The following MAP2K5 variants were observed in gnomAD, a reference collection of about 807,000 sequenced individuals.
MAP2K5 encodes the protein mitogen-activated protein kinase kinase 5.
MAP2K5 carries 49 observed loss-of-function variants against 83.1 expected under a neutral mutation model. That is an observed-to-expected ratio of 0.59 (90% confidence interval 0.47 to 0.75). The LOEUF is 0.75. MAP2K5 is among the 30% of genes least tolerant of loss of function. The probability of loss-of-function intolerance (pLI) is 0.00; values close to 1 mark genes in which losing one functional copy is unlikely to be tolerated. For synonymous variants in MAP2K5, 202 were observed against 191.8 expected (o/e 1.05, Z -0.44); for missense variants, 457 against 557.5 (o/e 0.82, Z 1.82).
chr15:67,675,737 T>G (rs755373254), intron 13 of MAP2K5, among the ~76,000 whole-genome samples: 2 of 152,220 alleles, frequency 1.3e-5, no homozygotes, highest in Admixed American at 1.3e-4. Context: ...TGTAGTTACC[T>G]GTATTCAGAA....
intron 16 of MAP2K5, among the ~76,000 whole-genome samples, chr15:67,704,053 A>G (rs1245124446): frequency 6.6e-6 from 1 of 152,184 alleles, no homozygotes; most frequent in Non-Finnish European, 1.5e-5. Context: ...ACTTTATGTT[A>G]GTGTTCTAGA....
intron 6 of MAP2K5, among the ~76,000 whole-genome samples, chr15:67,590,443 C>T (rs2085378182): frequency 2.0e-5 from 1 of 49,454 alleles, no homozygotes; most frequent in South Asian, 8.8e-4. Flanking sequence ...CTCTCCCTCC[C>T]TCCCTCTCTC....
At position 67,587,334 on chromosome 15, in the gene MAP2K5, T is replaced by G. The variant is rs1264755097; in HGVS notation, c.431+421T>G. On this transcript the variant is annotated intron_variant, in intron 6 of 21. Coordinates refer to ENST00000178640, the MANE Select transcript of MAP2K5 (RefSeq NM_145160.3). The surrounding 1 kb of genome is among the most constrained non-coding windows in gnomAD (Gnocchi z 4.8). ...ACAGGACTTATCATGCGGGGCCTCGTAGGCCCTGTAATGTTTGAATTTTCC... is the reference window on the plus strand; with the variant it reads ...ACAGGACTTATCATGCGGGGCCTCGGAGGCCCTGTAATGTTTGAATTTTCC... Among the ~76,000 whole-genome samples, 4 of 152,154 alleles carry G rather than the reference T, an allele frequency of 2.6e-5. No homozygotes were observed. The highest frequency in any genetic ancestry group is 2.6e-4 in the Admixed American group (4 of 15,272).
intron 8 of MAP2K5, among the ~76,000 whole-genome samples, chr15:67,623,163 A>G (rs1397198634): frequency 6.6e-6 from 1 of 152,222 alleles, no homozygotes; most frequent in African/African-American, 2.4e-5. Context: ...CTTATGCCTC[A>G]TATTTTCCTG....
intron 12 of MAP2K5, 136 bp downstream of exon 12, chr15:67,658,750 GTTTT>G: frequency 1.3e-6 from 1 of 743,478 alleles, no homozygotes; most frequent in Non-Finnish European, 2.3e-6. Context: ...ATTTTCTCCT[GTTTT>G]GTTCTTCTTT....
At chr15:67,791,604 G>A (rs980267109) in intron 21 of MAP2K5, among the ~76,000 whole-genome samples, 1 of 152,172 alleles carries the variant, frequency 6.6e-6, no homozygotes, top group African/African-American at 2.4e-5. Context: ...ATCACAAAAG[G>A]CACAGGTTTG....
At position 67,563,028 on chromosome 15, in the gene MAP2K5, T is replaced by C. The variant is rs2084769459; in HGVS notation, c.185-255T>C. ...TTTGTCATACTCCAGTTATATTTAC[T>C]TTAACCTAGAGATATGTTGTGAATG... On this transcript the variant is annotated intron_variant, in intron 2 of 21. Transcript: ENST00000178640. The surrounding 1 kb of genome is among the most constrained non-coding windows in gnomAD (Gnocchi z 4.5). 6.6e-6 allele frequency among the ~76,000 whole-genome samples: 1 copy of C among 152,218 alleles called. No individual in the cohort carries two copies. Among genetic ancestry groups the C allele is most frequent in the Admixed American group, 6.5e-5 (1 of 15,280 alleles).
rs1159624610 is a variant in MAP2K5, at chr15:67,738,128, A to T, written c.1075-10103A>T. 2.0e-5 allele frequency among the ~76,000 whole-genome samples: 3 copies of T among 152,178 alleles called. No individual in the cohort carries two copies. The East Asian group carries it at 5.8e-4, about 29-fold the overall frequency. Reference sequence around the variant, plus strand: ...CAGCCTCCCAGAGTACTGGGATTACAGGCGTGAGCCACTGCACTTGGCCTA... The same window carrying T: ...CAGCCTCCCAGAGTACTGGGATTACTGGCGTGAGCCACTGCACTTGGCCTA... On this transcript the variant is annotated intron_variant, in intron 17 of 21. Transcript: ENST00000178640. The surrounding 1 kb of genome is among the most constrained non-coding windows in gnomAD (Gnocchi z 4.1).
At chr15:67,586,006 T>C in intron 5 of MAP2K5, 76 bp downstream of exon 5, 3 of 1,314,586 alleles carry the variant, frequency 2.3e-6, no homozygotes, top group Non-Finnish European at 3.3e-6. Flanking sequence ...AAATGTCAAA[T>C]AAAACTGCAC....
At chr15:67,621,986 T>C (rs2414969) in intron 8 of MAP2K5, among the ~76,000 whole-genome samples, 149,974 of 152,154 alleles carry the variant, frequency 0.99, 73,961 homozygotes, top group Middle Eastern at 1. Context: ...GAGTTCGAGA[T>C]CAGCCTGGAC....
intron 7 of MAP2K5, among the ~76,000 whole-genome samples, chr15:67,597,036 G>A (rs1465437159): frequency 6.6e-6 from 1 of 152,050 alleles, no homozygotes; most frequent in African/African-American, 2.4e-5. Flanking sequence ...GGGCATGGTG[G>A]TGGGCGCCTG....
rs146870676 is a variant in MAP2K5, at chr15:67,637,833, G to A, written c.585+6906G>A. 6.6e-6 allele frequency among the ~76,000 whole-genome samples: 1 copy of A among 152,038 alleles called. No homozygotes were observed. Among genetic ancestry groups the A allele is most frequent in the East Asian group, 1.9e-4 (1 of 5,172 alleles). On this transcript the variant is annotated intron_variant, in intron 9 of 21. Transcript: ENST00000178640. This position sits in a 1 kb window ranked among gnomAD's most constrained non-coding sequence, Gnocchi z 4.5. ...GGTCAGCAAGCTGGGCAATCATAGG[G>A]CTCATCTCATTTGTTTTCCATCTTT...
At chr15:67,694,718 A>G (rs2088202823) in intron 15 of MAP2K5, among the ~76,000 whole-genome samples, 1 of 152,098 alleles carries the variant, frequency 6.6e-6, no homozygotes, top group Non-Finnish European at 1.5e-5. Context: ...TCAGGGATCT[A>G]CAACTAGAAA....
In MAP2K5 at chr15:67,736,716, A is replaced by T. The variant is rs2089348712; in HGVS notation, c.1074+8771A>T. Among the ~76,000 whole-genome samples, 1 of 152,010 alleles carries T rather than the reference A, an allele frequency of 6.6e-6. No homozygotes were observed. The highest frequency in any genetic ancestry group is 1.5e-5 in the Non-Finnish European group (1 of 68,032). Reference sequence around the variant, plus strand: ...CATGATTCCCTTACAATTTTTAAATAATCAATTTAGCCCCCAGAAATAGAA... The same window carrying T: ...CATGATTCCCTTACAATTTTTAAATTATCAATTTAGCCCCCAGAAATAGAA... On this transcript the variant is annotated intron_variant, in intron 17 of 21. Transcript: ENST00000178640. This position sits in a 1 kb window ranked among gnomAD's most constrained non-coding sequence, Gnocchi z 4.3.
intron 19 of MAP2K5, among the ~76,000 whole-genome samples, chr15:67,754,461 C>A (rs1282188907): frequency 6.6e-6 from 1 of 152,126 alleles, no homozygotes; most frequent in African/African-American, 2.4e-5. Flanking sequence ...TTGAGCTCCT[C>A]CTTGGGCTGT....
chr15:67,584,709 C>T (rs1212627127), intron 4 of MAP2K5, among the ~76,000 whole-genome samples: 4 of 127,626 alleles, frequency 3.1e-5, no homozygotes, highest in East Asian at 2.3e-4. Flanking sequence ...CACAGAGTCT[C>T]GCTCTGTCGC....
chr15:67,757,784 G>A lies in MAP2K5; in HGVS notation c.1134+9183G>A, dbSNP rs745954133. The stretch of plus-strand genomic sequence containing the variant: ...ACCACTCACATAAATGGGTATTTAC[G>A]ATATGGTATTTAATGATGTTTGTAG... On this transcript the variant is annotated intron_variant, in intron 19 of 21. Transcript: ENST00000178640. The surrounding 1 kb of genome is among the most constrained non-coding windows in gnomAD (Gnocchi z 4.9). 2.0e-5 allele frequency among the ~76,000 whole-genome samples: 3 copies of A among 152,056 alleles called. No homozygotes were observed. Among genetic ancestry groups the A allele is most frequent in the Non-Finnish European group, 4.4e-5 (3 of 68,004 alleles).
chr15:67,729,895 T>C (rs1596870259), intron 17 of MAP2K5, among the ~76,000 whole-genome samples: 1 of 152,228 alleles, frequency 6.6e-6, no homozygotes, highest in East Asian at 1.9e-4. Flanking sequence ...TATCTTTACT[T>C]GATCAGTCAA....
At chr15:67,800,047 G>A (rs1210692100) in intron 21 of MAP2K5, among the ~76,000 whole-genome samples, 3 of 152,176 alleles carry the variant, frequency 2.0e-5, no homozygotes, top group Admixed American at 2.0e-4. Context: ...GCCTGGCCAC[G>A]CCCAGCCTGG....
Sources: allele counts gnomAD v4.1 joint callset (sites outside exome capture counted in the v4.1 genomes callset), GRCh38; gene constraint gnomAD v4.1.1; non-coding constraint Gnocchi (gnomAD v3.1); transcripts MANE v1.5; gene names NCBI Gene and HGNC (gene_info 2026-07-23, HGNC 2026-07-21).